ECEL1: variants seen among roughly 807,000 people sequenced by gnomAD.
The protein encoded by ECEL1 is endothelin-converting enzyme-like 1.
In ECEL1, 87 loss-of-function variants were observed where a neutral mutation model predicts 101.8. The observed-to-expected ratio is 0.85, with a 90% confidence interval of 0.72 to 1.02. The LOEUF (loss-of-function observed/expected upper bound fraction) is 1.02, where lower values mean the gene tolerates loss of function less well. ECEL1 is among the 50% of genes least tolerant of loss of function. The pLI, the probability that ECEL1 is intolerant of heterozygous loss-of-function variation, is 0.00. For missense variants in ECEL1, 1,032 were observed against 1,079.2 expected (o/e 0.96, Z 0.61); for synonymous variants, 487 against 468.7 (o/e 1.04, Z -0.50).
intron 10 of ECEL1, 88 bp downstream of exon 10, chr2:232,482,763 T>G (rs973106513): frequency 3.2e-6 from 5 of 1,548,914 alleles, no homozygotes; most frequent in African/African-American, 1.4e-5. Flanking sequence ...CCCCCATATC[T>G]GCATGGCTGT....
Position 232,483,353 on chromosome 2 carries a change from G to A in ECEL1, c.1506+63C>T, listed in dbSNP as rs186824780. The A allele has an allele frequency of 1.4e-4, 222 of 1,563,208 alleles. 1 individual carries two copies. The African/African-American group carries it at 2.4e-3, about 17-fold the overall frequency. Reference sequence around the variant, plus strand: ...CTCTTTGTCCCTTTTGTTCTCTTTCGCTGGTACACAGTAGGTGCTCAATAT... The same window carrying A: ...CTCTTTGTCCCTTTTGTTCTCTTTCACTGGTACACAGTAGGTGCTCAATAT... On this transcript the variant is annotated intron_variant, in intron 8 of 17. Coordinates refer to ENST00000304546, the MANE Select transcript of ECEL1 (RefSeq NM_004826.4).
rs968100012 is a variant in ECEL1, at chr2:232,480,776, T to G, written c.2093A>C (p.His698Pro). 2 of 1,613,994 alleles carry G rather than the reference T, an allele frequency of 1.2e-6. No homozygotes were observed. The highest frequency in any genetic ancestry group is 4.5e-5 in the East Asian group (2 of 44,868). ...QKWVREHGPE[H>P]PLPRLKYTHD... ...TGTGTACTTGAGCCGGGGAAGTGGG[T>G]GCTCTGGGCCGTGCTCCCGCACCCA... The change falls in exon 16 of 18, where the codon CAC becomes CCC. Residue 698 changes from histidine to proline, a missense_variant. Coordinates refer to ENST00000304546, the MANE Select transcript of ECEL1 (RefSeq NM_004826.4).
Position 232,484,005 on chromosome 2 carries a change from G to C in ECEL1, c.1403C>G (p.Ala468Gly), listed in dbSNP as rs1298998853. 3.1e-6 allele frequency: 5 copies of C among 1,601,574 alleles called. No homozygotes were observed. The Admixed American group carries it at 8.4e-5, about 27-fold the overall frequency. Residue 468 changes from alanine to glycine, a missense_variant, in exon 7 of 18, where the codon GCC (alanine) becomes GGC (glycine). By Grantham distance (60) the Ala-to-Gly change is moderately conservative. Coordinates refer to ENST00000304546, the MANE Select transcript of ECEL1 (RefSeq NM_004826.4). ...VHEHFSAASK[A>G]KVQQLVEDIK... ...TCTCAAACAAGGGCAACCCACCTTGGCTTTGCTGGCAGCTGAGAAGTGCTC... is the reference window on the plus strand; with the variant it reads ...TCTCAAACAAGGGCAACCCACCTTGCCTTTGCTGGCAGCTGAGAAGTGCTC...
Position 232,485,185 on chromosome 2 carries a change from C to T in ECEL1, c.855+14G>A. The T allele has an allele frequency of 6.2e-7, 1 of 1,613,524 alleles. No homozygotes were observed. Among genetic ancestry groups the T allele is most frequent in the Non-Finnish European group, 8.5e-7 (1 of 1,179,982 alleles). Reference sequence around the variant, plus strand: ...CCCAGGCCTTCCCTGCCTCCCCATCCCATGCCCCAGCACCTTCTCACTGTC... The same window carrying T: ...CCCAGGCCTTCCCTGCCTCCCCATCTCATGCCCCAGCACCTTCTCACTGTC... On this transcript the variant is annotated intron_variant, in intron 3 of 17. Coordinates refer to ENST00000304546, the MANE Select transcript of ECEL1 (RefSeq NM_004826.4).
chr2:232,486,664 C>A lies in ECEL1; in HGVS notation c.-11G>T. Reference sequence around the variant, plus strand: ...ATACGGGGGCTCCATGGCGCCGAGGCCGCCGCGGTGCAGACCTGGGCCACC... The same window carrying A: ...ATACGGGGGCTCCATGGCGCCGAGGACGCCGCGGTGCAGACCTGGGCCACC... On this transcript the variant is annotated 5_prime_UTR_variant, in exon 2 of 18. Transcript: ENST00000304546. 6.6e-7 allele frequency: 1 copy of A among 1,518,588 alleles called. No homozygotes were observed. The highest frequency in any genetic ancestry group is 8.7e-7 in the Non-Finnish European group (1 of 1,144,046). The allele number at this position is 1,518,588 out of a possible 1,614,324, so 94.1% of individuals were successfully genotyped here.
intron 12 of ECEL1, 95 bp downstream of exon 12, chr2:232,482,323 G>T: frequency 3.2e-6 from 5 of 1,554,658 alleles, no homozygotes; most frequent in East Asian, 4.5e-5. Flanking sequence ...GGTCTGGGGC[G>T]ATTGGAGCCA....
chr2:232,486,080 C>A lies in ECEL1; in HGVS notation c.574G>T (p.Glu192Ter), dbSNP rs1238172291. The change falls in exon 2 of 18, where the codon GAG becomes TAG. Residue 192 changes from glutamate to a stop codon, truncating the protein, a stop_gained. Transcript: ENST00000304546. LOFTEE classifies it high-confidence loss of function. ...AFFRSCLDMREIERLGPRPML... is the reference protein window; with the variant it reads ...AFFRSCLDMR The stretch of plus-strand genomic sequence containing the variant: ...GGTCGCGGGCCCAGTCGCTCGATCT[C>A]GCGCATGTCGAGGCACGAGCGGAAG... 5.0e-6 allele frequency: 8 copies of A among 1,602,020 alleles called. No homozygotes were observed. Among genetic ancestry groups the A allele is most frequent in the African/African-American group, 1.3e-5 (1 of 74,828 alleles).
At position 232,485,109 on chromosome 2, in the gene ECEL1, G is replaced by T; in HGVS notation, c.856-18C>A. On this transcript the variant is annotated intron_variant, in intron 3 of 17. Transcript: ENST00000304546. Reference sequence around the variant, plus strand: ...GCCAGGATCTGCACCAGGGGAGGGGGCTCACCCAGGGACAGGGACAGGCCT... The same window carrying T: ...GCCAGGATCTGCACCAGGGGAGGGGTCTCACCCAGGGACAGGGACAGGCCT... The T allele has an allele frequency of 1.2e-6, 2 of 1,611,186 alleles. No individual in the cohort carries two copies.
intron 6 of ECEL1, 87 bp downstream of exon 6, chr2:232,484,385 T>C (rs1690664944): frequency 1.3e-6 from 2 of 1,582,256 alleles, no homozygotes; most frequent in Non-Finnish European, 1.7e-6. Flanking sequence ...GAGCAGAAAA[T>C]GTAAAGCCCA....
At chr2:232,482,979 A>G in intron 9 of ECEL1, 25 bp from the exon 10 acceptor site, 1 of 1,613,826 alleles carries the variant, frequency 6.2e-7, no homozygotes, top group African/African-American at 1.3e-5. Flanking sequence ...GGCGACACTC[A>G]GCGGCAGGCC....
Position 232,486,294 on chromosome 2 carries a change from G to T in ECEL1, c.360C>A (p.Ile120=), listed in dbSNP as rs750819731. 5.7e-6 allele frequency: 9 copies of T among 1,592,786 alleles called. No homozygotes were observed. The highest frequency in any genetic ancestry group is 6.8e-6 in the Non-Finnish European group (8 of 1,175,858). ...ACGAGTAGAAGTCCTGGCATGGGTC[G>T]ATGCTGGCGTCCAGGTTGGCGGCCA... ...RFLAANLDAS[I]DPCQDFYSFA... The change falls in exon 2 of 18, where the codon ATC becomes ATA. Residue 120 remains isoleucine (I), a synonymous_variant. Coordinates refer to ENST00000304546, the MANE Select transcript of ECEL1 (RefSeq NM_004826.4).
chr2:232,481,130 C>T lies in ECEL1; in HGVS notation c.2016G>A (p.Glu672=). The T allele has an allele frequency of 6.4e-7, 1 of 1,569,282 alleles. No homozygotes were observed. Among genetic ancestry groups the T allele is most frequent in the Non-Finnish European group, 8.6e-7 (1 of 1,156,930 alleles). ...QRVNGKHTLG[E]NIADMGGLKL... is the part of the protein sequence containing the mutation. ...TGAGGCCGCCCATATCTGCGATGTTCTCCCCAAGCGTGTGTTTCCCGTTCA... is the reference window on the plus strand; with the variant it reads ...TGAGGCCGCCCATATCTGCGATGTTTTCCCCAAGCGTGTGTTTCCCGTTCA... Residue 672 remains glutamate (E), a synonymous_variant, in exon 15 of 18, where the codon GAG becomes GAA. Coordinates refer to ENST00000304546, the MANE Select transcript of ECEL1 (RefSeq NM_004826.4).
intron 15 of ECEL1, 22 bp from the exon 16 acceptor site, chr2:232,480,835 A>G (rs1462241844): frequency 1.2e-6 from 2 of 1,603,574 alleles, no homozygotes; most frequent in Admixed American, 3.4e-5. Flanking sequence ...GAGAGCATGG[A>G]CCTGCTATGC....
In ECEL1 at chr2:232,486,156, C is replaced by A. The variant is rs1340124268; in HGVS notation, c.498G>T (p.Ala166=). 3 of 1,569,636 alleles carry A rather than the reference C, an allele frequency of 1.9e-6. No individual in the cohort carries two copies. Among genetic ancestry groups the A allele is most frequent in the Non-Finnish European group, 1.7e-6 (2 of 1,163,306 alleles). Residue 166 remains alanine, a synonymous_variant, in exon 2 of 18, where the codon GCG becomes GCT. Transcript: ENST00000304546. ...QNEERLRRLL[A]RPGGGPGGAA... is the part of the protein sequence containing the mutation. The stretch of plus-strand genomic sequence containing the variant: ...CGCCGCCAGGCCCACCCCCGGGCCG[C>A]GCCAGCAGGCGCCGTAGGCGCTCCT...
chr2:232,480,474 T>C lies in ECEL1; in HGVS notation c.2153A>G (p.Asn718Ser). Reference sequence around the variant, plus strand: ...CTGCGACCGCCGCTTGATGCACCAGTTCTGGGTCCAGGAGCGGGGTGGAGG... The same window carrying C: ...CTGCGACCGCCGCTTGATGCACCAGCTCTGGGTCCAGGAGCGGGGTGGAGG... ...DQLFFIAFAQ[N>S]WCIKRRSQSI... is the part of the protein sequence containing the mutation. The change falls in exon 17 of 18, where the codon AAC becomes AGC. Residue 718 changes from asparagine to serine, a missense_variant and splice_region_variant. Transcript: ENST00000304546. 1.2e-6 allele frequency: 2 copies of C among 1,613,850 alleles called. No individual in the cohort carries two copies. The highest frequency in any genetic ancestry group is 2.2e-5 in the East Asian group (1 of 44,852).
Position 232,486,479 on chromosome 2 carries a change from C to T in ECEL1, c.175G>A (p.Glu59Lys), listed in dbSNP as rs1278509874. The change falls in exon 2 of 18, where the codon GAG becomes AAG. Residue 59 changes from glutamate to lysine, a missense_variant. Glu to Lys is a moderately conservative substitution (Grantham distance 56). Transcript: ENST00000304546. ...RSGLPRWNRR[E>K]VCLLSGLVFA... ...ACCAGCCCCGACAGCAGGCACACCT[C>T]GCGCCGGTTCCAGCGCGGCAGCCCG... is the stretch of plus-strand genomic sequence containing the variant. 1 of 1,425,114 alleles carries T rather than the reference C, an allele frequency of 7.0e-7. No homozygotes were observed. The highest frequency in any genetic ancestry group is 9.1e-7 in the Non-Finnish European group (1 of 1,100,062). 88.3% of individuals were successfully genotyped at this position (1,425,114 alleles called of 1,614,324 possible).
chr2:232,484,392 C>A, intron 6 of ECEL1, 80 bp downstream of exon 6: 1 of 1,585,428 alleles, frequency 6.3e-7, no homozygotes, highest in Non-Finnish European at 8.6e-7. Flanking sequence ...AAATGTAAAG[C>A]CCACCCAGCA....
chr2:232,483,327 C>T (rs1690633642), intron 8 of ECEL1, 89 bp downstream of exon 8: 2 of 1,544,892 alleles, frequency 1.3e-6, no homozygotes, highest in South Asian at 2.4e-5. Flanking sequence ...TCCACGAAGG[C>T]CTCTTTGTCC....
rs1332117980 is a variant in ECEL1 at position 232,484,974 on chromosome 2, T to TG, written c.966+6dup. 1 of 1,613,082 alleles carries TG rather than the reference T, an allele frequency of 6.2e-7. No homozygotes were observed. The highest frequency in any genetic ancestry group is 2.2e-5 in the East Asian group (1 of 44,894). On this transcript the variant is annotated splice_region_variant and intron_variant, in intron 4 of 17. Transcript: ENST00000304546. Reference sequence around the variant, plus strand: ...CCCAGGGCAGCCTCCAGTCCTGGTCTGCTCACGTTGGCCAGCTGCTGCTCC... The same window carrying TG: ...CCCAGGGCAGCCTCCAGTCCTGGTCTGGCTCACGTTGGCCAGCTGCTGCTCC...
Sources: gnomAD v4.1 joint callset for allele counts on GRCh38, gnomAD v4.1.1 for gene constraint, MANE v1.5 for transcripts, NCBI Gene and HGNC (gene_info 2026-07-23, HGNC 2026-07-21) for gene names.